TUBGCP4: variants seen among roughly 807,000 people sequenced by gnomAD.
The protein encoded by TUBGCP4 is tubulin gamma complex component 4.
Under a neutral mutation model 91.6 loss-of-function variants are expected in TUBGCP4, and 54 were observed. The ratio of observed to expected loss-of-function variants is 0.59; its 90% confidence interval spans 0.47 to 0.74. TUBGCP4 has a LOEUF of 0.74. TUBGCP4 is among the 30% of genes least tolerant of loss of function. The pLI, the probability that TUBGCP4 is intolerant of heterozygous loss-of-function variation, is 0.00. For missense variants in TUBGCP4, 593 were observed against 800.9 expected (o/e 0.74, Z 3.13); for synonymous variants, 297 against 302.8 (o/e 0.98, Z 0.20).
Position 43,380,148 on chromosome 15 carries a change from G to T in TUBGCP4, c.506G>T (p.Arg169Leu), listed in dbSNP as rs1183616347. The T allele has an allele frequency of 6.2e-7, 1 of 1,613,980 alleles. No homozygotes were observed. Among genetic ancestry groups the T allele is most frequent in the East Asian group, 2.2e-5 (1 of 44,882 alleles). ...KHSCGGLPPV[R>L]SALEKILAVC... ...AGCTGTGGGGGGTTGCCTCCTGTTC[G>T]AAGTGCACTGGAAAAGTAAGTCATG... is the stretch of plus-strand genomic sequence containing the variant. The change falls in exon 6 of 18, where the codon CGA becomes CTA. Residue 169 changes from arginine (R) to leucine (L), a missense_variant. Coordinates refer to ENST00000564079, the MANE Select transcript of TUBGCP4 (RefSeq NM_014444.5).
rs771153333 is a variant in TUBGCP4, at chr15:43,383,299, C to T, written c.522-4C>T. 4 of 1,611,726 alleles carry T rather than the reference C, an allele frequency of 2.5e-6. No homozygotes were observed. Among genetic ancestry groups the T allele is most frequent in the Non-Finnish European group, 2.5e-6 (3 of 1,178,612 alleles). ...CTGAGCCTCTTACTTTCTACTCTGC[C>T]CAGAATCCTGGCCGTTTGTCATGGG... is the stretch of plus-strand genomic sequence containing the variant. On this transcript the variant is annotated splice_polypyrimidine_tract_variant and splice_region_variant and intron_variant, in intron 6 of 17. Coordinates refer to ENST00000564079, the MANE Select transcript of TUBGCP4 (RefSeq NM_014444.5).
intron 12 of TUBGCP4, 36 bp downstream of exon 12, chr15:43,397,357 C>A: frequency 6.8e-7 from 1 of 1,465,282 alleles, no homozygotes; most frequent in Non-Finnish European, 9.6e-7. Context: ...AGAGTTCCTG[C>A]TGGTCATCAT....
In TUBGCP4 at chr15:43,407,689, T is replaced by C; in HGVS notation, c.*2475T>C. 2.1e-6 allele frequency: 2 copies of C among 966,296 alleles called. No homozygotes were observed. Among genetic ancestry groups the C allele is most frequent in the Non-Finnish European group, 3.0e-6 (2 of 656,700 alleles). The allele number at this position is 966,296 out of a possible 1,614,324, so 59.9% of individuals were successfully genotyped here. On this transcript the variant is annotated 3_prime_UTR_variant, in exon 18 of 18. Coordinates refer to ENST00000564079, the MANE Select transcript of TUBGCP4 (RefSeq NM_014444.5). ...CTGCACAAACCAAAGCCCTATTATG[T>C]CAAACACACTGCTACTGATCATGAC...
At chr15:43,374,612 TA>T (rs906490240) in intron 1 of TUBGCP4, among the ~76,000 whole-genome samples, 13 of 146,972 alleles carry the variant, frequency 8.8e-5, no homozygotes, top group Admixed American at 1.4e-4. Flanking sequence ...ACCTTGTCTC[TA>T]AAAAAAAAAA....
At chr15:43,380,838 A>G (rs1339810690) in intron 6 of TUBGCP4, among the ~76,000 whole-genome samples, 1 of 152,224 alleles carries the variant, frequency 6.6e-6, no homozygotes, top group Non-Finnish European at 1.5e-5. Context: ...TGTAGAGTAT[A>G]ATCAAAGACT....
chr15:43,379,943 A>C, intron 5 of TUBGCP4, 141 bp from the exon 6 acceptor site: 2 of 770,332 alleles, frequency 2.6e-6, no homozygotes, highest in East Asian at 2.7e-5. Context: ...CTCTTTGAGA[A>C]CCACTATGTG....
chr15:43,373,290 TATC>T (rs139439727), intron 1 of TUBGCP4, among the ~76,000 whole-genome samples: 102 of 152,340 alleles, frequency 6.7e-4, no homozygotes, highest in African/African-American at 2.4e-3. Flanking sequence ...TATAGAATGG[TATC>T]AGTAACTTCG....
At chr15:43,374,934 G>T (rs1028835844) in intron 1 of TUBGCP4, among the ~76,000 whole-genome samples, 23 of 152,146 alleles carry the variant, frequency 1.5e-4, no homozygotes, top group African/African-American at 4.3e-4. Flanking sequence ...ACAGAGTCTC[G>T]CTCTGTTGCC....
intron 9 of TUBGCP4, among the ~76,000 whole-genome samples, chr15:43,392,117 C>T (rs1184399261): frequency 1.4e-5 from 2 of 146,422 alleles, no homozygotes; most frequent in African/African-American, 5.2e-5. Context: ...CACACACACA[C>T]ACATATTTTT....
At chr15:43,404,691 T>C in intron 17 of TUBGCP4, 139 bp downstream of exon 17, 4 of 893,724 alleles carry the variant, frequency 4.5e-6, no homozygotes, top group Non-Finnish European at 6.6e-6. Context: ...GGTGTGACCA[T>C]CTTTAATAAT....
At chr15:43,393,296 G>T (rs1057340818) in intron 9 of TUBGCP4, among the ~76,000 whole-genome samples, 6 of 149,582 alleles carry the variant, frequency 4.0e-5, no homozygotes, top group Non-Finnish European at 7.4e-5. Flanking sequence ...TGCAACCTCC[G>T]TCTCCCGGGT....
intron 1 of TUBGCP4, among the ~76,000 whole-genome samples, chr15:43,375,569 A>G (rs2044193241): frequency 6.6e-6 from 1 of 152,188 alleles, no homozygotes; most frequent in Non-Finnish European, 1.5e-5. Context: ...TATGGACACT[A>G]AATATATATG....
At chr15:43,376,401 T>G (rs1442687750) in intron 2 of TUBGCP4, 102 bp from the exon 3 acceptor site, 11 of 1,609,356 alleles carry the variant, frequency 6.8e-6, no homozygotes, top group Non-Finnish European at 7.6e-6. Flanking sequence ...AGGCCTCTAA[T>G]TGGTTTGTTT....
chr15:43,390,628 G>A (rs1376866844), intron 9 of TUBGCP4, among the ~76,000 whole-genome samples: 8 of 150,626 alleles, frequency 5.3e-5, no homozygotes, highest in African/African-American at 2.0e-4. Flanking sequence ...TCCCACCTCA[G>A]CTCCTGAGTA....
At chr15:43,379,512 G>A (rs959825988) in intron 5 of TUBGCP4, among the ~76,000 whole-genome samples, 1 of 151,936 alleles carries the variant, frequency 6.6e-6, no homozygotes, top group Non-Finnish European at 1.5e-5. Context: ...GCGTGGTGGC[G>A]GGTGCCTGTG....
chr15:43,407,487 G>C lies in TUBGCP4; in HGVS notation c.*2273G>C. On this transcript the variant is annotated 3_prime_UTR_variant, in exon 18 of 18. Coordinates refer to ENST00000564079, the MANE Select transcript of TUBGCP4 (RefSeq NM_014444.5). ...ACCCACTCTTGTGACACCACAGGCAGCTGCAATGCTTCAGCACACTTCAGC... is the reference window on the plus strand; with the variant it reads ...ACCCACTCTTGTGACACCACAGGCACCTGCAATGCTTCAGCACACTTCAGC... 6.2e-7 allele frequency: 1 copy of C among 1,614,200 alleles called. No homozygotes were observed. The highest frequency in any genetic ancestry group is 8.5e-7 in the Non-Finnish European group (1 of 1,180,026).
chr15:43,377,036 C>T lies in TUBGCP4; in HGVS notation c.353C>T (p.Ser118Phe). Reference protein sequence around the residue: ...EQEFLGDPHLSISHVNYFLDQ... With the variant: ...EQEFLGDPHLFISHVNYFLDQ... ...CAGTTCCTGGGTGATCCCCATCTCTCCATATCACATGTCAACTACTTCCTA... is the reference window on the plus strand; with the variant it reads ...CAGTTCCTGGGTGATCCCCATCTCTTCATATCACATGTCAACTACTTCCTA... The change falls in exon 4 of 18, where the codon TCC (serine) becomes TTC (phenylalanine). Residue 118 changes from serine to phenylalanine, a missense_variant. Physicochemically the swap from Ser to Phe is radical, Grantham distance 155. Coordinates refer to ENST00000564079, the MANE Select transcript of TUBGCP4 (RefSeq NM_014444.5). The T allele has an allele frequency of 6.2e-7, 1 of 1,614,010 alleles. No individual in the cohort carries two copies. The highest frequency in any genetic ancestry group is 1.3e-5 in the African/African-American group (1 of 75,040).
chr15:43,376,445 T>C (rs201764250), intron 2 of TUBGCP4, 58 bp from the exon 3 acceptor site: 7 of 1,613,636 alleles, frequency 4.3e-6, no homozygotes, highest in South Asian at 2.2e-5. Flanking sequence ...CCTGATAATG[T>C]CTTTCTCAGG....
intron 9 of TUBGCP4, among the ~76,000 whole-genome samples, chr15:43,387,518 A>G (rs2044395260): frequency 6.6e-6 from 1 of 151,860 alleles, no homozygotes. Context: ...TTGGAGTGCA[A>G]TGGTGTGATC....
Sources: gnomAD v4.1 joint callset for allele counts (sites outside exome capture counted in the v4.1 genomes callset) on GRCh38, gnomAD v4.1.1 for gene constraint, MANE v1.5 for transcripts, NCBI Gene and HGNC (gene_info 2026-07-23, HGNC 2026-07-21) for gene names.